The following UGCG variants were observed in gnomAD, a reference collection of about 807,000 sequenced individuals.
UGCG encodes the protein UDP-glucose ceramide glucosyltransferase.
A neutral mutation model predicts 49.5 loss-of-function variants in UGCG; 10 were observed. The ratio of observed to expected loss-of-function variants is 0.20; its 90% confidence interval spans 0.12 to 0.34. The LOEUF (loss-of-function observed/expected upper bound fraction) is 0.34. Ranked by LOEUF, UGCG falls within the 10% of genes least tolerant of loss-of-function variation. The pLI, the probability that UGCG is intolerant of heterozygous loss-of-function variation, is 1.00. For synonymous variants in UGCG, 182 were observed against 158.2 expected, an observed-to-expected ratio of 1.15 and a Z score of -1.13; for missense variants, 312 against 483.7, an observed-to-expected ratio of 0.65 and a Z score of 3.33.
Position 111,926,381 on chromosome 9 carries a change from T to G in UGCG, c.446-3T>G. On this transcript the variant is annotated splice_region_variant and splice_polypyrimidine_tract_variant and intron_variant, in intron 4 of 8. Transcript: ENST00000374279. The stretch of plus-strand genomic sequence containing the variant: ...CCCTCTCTGCCTTTTTTTTAAATTG[T>G]AGTAATTCCAGATACGCTTACTGAC... 6.3e-7 allele frequency: 1 copy of G among 1,595,368 alleles called. No individual in the cohort carries two copies. Among genetic ancestry groups the G allele is most frequent in the East Asian group, 2.2e-5 (1 of 44,576 alleles).
chr9:111,914,514 A>G (rs1333140812), intron 1 of UGCG, 91 bp from the exon 2 acceptor site: 7 of 1,297,538 alleles, frequency 5.4e-6, no homozygotes, highest in Middle Eastern at 4.2e-4. Flanking sequence ...ATCTTAACTT[A>G]GAATTTAGGG....
Position 111,932,242 on chromosome 9 carries a change from C to T in UGCG, c.897C>T (p.Ala299=). The change falls in exon 8 of 9, where the codon GCC becomes GCT. Residue 299 remains alanine (A), a synonymous_variant. Coordinates refer to ENST00000374279, the MANE Select transcript of UGCG (RefSeq NM_003358.3). ...AGCCAATTTCAGAATGCTTTGTTGC[C>T]AGTTTAATTATTGGATGGGCAGCCC... is the stretch of plus-strand genomic sequence containing the variant. ...ICEPISECFV[A]SLIIGWAAHH... 1 of 1,614,000 alleles carries T rather than the reference C, an allele frequency of 6.2e-7. No individual in the cohort carries two copies. The highest frequency in any genetic ancestry group is 1.1e-5 in the South Asian group (1 of 91,062).
At chr9:111,898,387 T>C (rs1837705795) in intron 1 of UGCG, among the ~76,000 whole-genome samples, 1 of 150,754 alleles carries the variant, frequency 6.6e-6, no homozygotes, top group Admixed American at 6.6e-5. Flanking sequence ...TTACTTTTAG[T>C]TTTTTGGTTT....
In UGCG at chr9:111,931,287, A is replaced by G. The variant is rs1564206586; in HGVS notation, c.754A>G (p.Met252Val). 1.9e-6 allele frequency: 3 copies of G among 1,613,898 alleles called. No homozygotes were observed. The highest frequency in any genetic ancestry group is 2.5e-6 in the Non-Finnish European group (3 of 1,179,952). ...AATTTTCAGAGGTTGGAGGTTTGCAATGTCCACTCAAGTTGCAATGCAAAA... is the reference window on the plus strand; with the variant it reads ...AATTTTCAGAGGTTGGAGGTTTGCAGTGTCCACTCAAGTTGCAATGCAAAA... ...AIADRGWRFA[M>V]STQVAMQNSG... is the part of the protein sequence containing the mutation. The change falls in exon 7 of 9, where the codon ATG becomes GTG. Residue 252 changes from methionine to valine, a missense_variant. Met to Val is a conservative substitution (Grantham distance 21, BLOSUM62 1). This residue lies in a region of UGCG where 180 missense variants were observed against 320.4 expected (regional missense o/e 0.56). Transcript: ENST00000374279.
chr9:111,900,980 G>A (rs7859033), intron 1 of UGCG, among the ~76,000 whole-genome samples: 18,358 of 151,848 alleles, frequency 0.12, 1,466 homozygotes, highest in African/African-American at 0.22. Flanking sequence ...CAAGTAGCTG[G>A]GACTACCGGT....
intron 1 of UGCG, among the ~76,000 whole-genome samples, chr9:111,902,619 G>T (rs962583502): frequency 3.3e-5 from 5 of 152,194 alleles, no homozygotes; most frequent in Non-Finnish European, 7.3e-5. Flanking sequence ...CAAGCTTTGT[G>T]ACTTGGAGCA....
At chr9:111,919,971 G>A (rs1838191137) in intron 2 of UGCG, among the ~76,000 whole-genome samples, 1 of 152,116 alleles carries the variant, frequency 6.6e-6, no homozygotes, top group African/African-American at 2.4e-5. Flanking sequence ...TGGTGGCTCA[G>A]CCAAATATTG....
intron 1 of UGCG, among the ~76,000 whole-genome samples, chr9:111,908,034 A>G (rs1293482702): frequency 1.4e-5 from 2 of 140,092 alleles, no homozygotes; most frequent in African/African-American, 5.3e-5. Context: ...TGGTTGTTTC[A>G]GGTGGGAGAG....
At chr9:111,903,985 C>G (rs910992570) in intron 1 of UGCG, among the ~76,000 whole-genome samples, 1 of 152,156 alleles carries the variant, frequency 6.6e-6, no homozygotes, top group Admixed American at 6.5e-5. Context: ...CTGCCTGGGT[C>G]TCACCCCTAC....
chr9:111,915,349 A>G (rs1233563276), intron 2 of UGCG, among the ~76,000 whole-genome samples: 1 of 152,202 alleles, frequency 6.6e-6, no homozygotes, highest in Non-Finnish European at 1.5e-5. Flanking sequence ...TCTTGAGATG[A>G]AAGTATTCTT....
At chr9:111,906,212 A>G (rs1327758094) in intron 1 of UGCG, among the ~76,000 whole-genome samples, 1 of 152,112 alleles carries the variant, frequency 6.6e-6, no homozygotes, top group African/African-American at 2.4e-5. Context: ...TAAAGTTCGT[A>G]TGTTCAAAAG....
intron 1 of UGCG, among the ~76,000 whole-genome samples, chr9:111,906,669 A>T (rs1012523498): frequency 1.3e-5 from 2 of 151,838 alleles, no homozygotes; most frequent in Non-Finnish European, 2.9e-5. Flanking sequence ...ACCTCAGGTG[A>T]TCCACCTGCC....
At chr9:111,929,882 G>T (rs1015555088) in intron 6 of UGCG, among the ~76,000 whole-genome samples, 2 of 151,858 alleles carry the variant, frequency 1.3e-5, no homozygotes, top group African/African-American at 4.8e-5. Context: ...GCAGTGGCGC[G>T]ATCTTGGCTC....
In UGCG at chr9:111,912,029, G is replaced by GATATATATATATAT. The variant is rs60468274; in HGVS notation, c.99-2565_99-2552dup. ...CAGGATACATATATATATTCAACAGGATATATATATATATATATATATATC... is the reference window on the plus strand; with the variant it reads ...CAGGATACATATATATATTCAACAGGATATATATATATATATATATATATATATATATATATATC... On this transcript the variant is annotated intron_variant, in intron 1 of 8. Transcript: ENST00000374279. Among the ~76,000 whole-genome samples the GATATATATATATAT allele has an allele frequency of 3.4e-3, 218 of 64,440 alleles. 11 individuals carry two copies. The highest frequency in any genetic ancestry group is 9.0e-3 in the South Asian group (16 of 1,768). The allele number at this position is 64,440 out of a possible 152,430, so 42.3% of individuals were successfully genotyped here. A position where few individuals can be genotyped will look rare whatever the true frequency, so the allele number is the denominator to read the frequency against.
At chr9:111,901,438 A>G (rs1055635356) in intron 1 of UGCG, among the ~76,000 whole-genome samples, 6 of 152,230 alleles carry the variant, frequency 3.9e-5, no homozygotes, top group African/African-American at 1.4e-4. Flanking sequence ...TTTCAGGGAA[A>G]TGAATAAGGC....
chr9:111,932,120 G>T, intron 7 of UGCG, 50 bp from the exon 8 acceptor site: 3 of 1,519,530 alleles, frequency 2.0e-6, no homozygotes, highest in South Asian at 1.2e-5. Flanking sequence ...AAAAGGATTT[G>T]TCTTGTAGCC....
At chr9:111,907,628 C>CTTT (rs11398860) in intron 1 of UGCG, among the ~76,000 whole-genome samples, 268 of 139,794 alleles carry the variant, frequency 1.9e-3, no homozygotes, top group African/African-American at 5.2e-3. Flanking sequence ...CATTTTCTTT[C>CTTT]TTTTTTTTTT....
intron 7 of UGCG, 40 bp from the exon 8 acceptor site, chr9:111,932,130 C>T (rs1189157513): frequency 6.3e-7 from 1 of 1,579,368 alleles, no homozygotes; most frequent in East Asian, 2.3e-5. Flanking sequence ...GTCTTGTAGC[C>T]AGGATATTGT....
chr9:111,905,132 A>G (rs1051709606), intron 1 of UGCG, among the ~76,000 whole-genome samples: 2 of 152,192 alleles, frequency 1.3e-5, no homozygotes, highest in African/African-American at 4.8e-5. Context: ...GTCAGGTTTC[A>G]GTAGAAACTA....
Sources: allele counts gnomAD v4.1 joint callset (sites outside exome capture counted in the v4.1 genomes callset), GRCh38; gene constraint gnomAD v4.1.1; regional missense constraint gnomAD v4.1.1; transcripts MANE v1.5; gene names NCBI Gene and HGNC (gene_info 2026-07-23, HGNC 2026-07-21).